Variants in UNC5D observed in about 807,000 individuals in gnomAD.
The protein encoded by UNC5D is netrin receptor UNC5D.
UNC5D carries 39 observed loss-of-function variants against 105.4 expected under a neutral mutation model. The ratio of observed to expected loss-of-function variants is 0.37; its 90% CI spans 0.29 to 0.48. The LOEUF (loss-of-function observed/expected upper bound fraction) is 0.48, where lower values mean the gene tolerates loss of function less well. UNC5D is among the 20% of genes least tolerant of loss of function. The probability of loss-of-function intolerance (pLI) is 0.98; values close to 1 mark genes in which losing one functional copy is unlikely to be tolerated. For synonymous variants in UNC5D, 452 were observed against 450.4 expected, an observed-to-expected ratio of 1.00 and a Z score of -0.04; for missense variants, 991 against 1,202.4, an observed-to-expected ratio of 0.82 and a Z score of 2.60.
intron 1 of UNC5D, among the ~76,000 whole-genome samples, chr8:35,354,146 G>A (rs1317368055): frequency 6.6e-6 from 1 of 152,068 alleles, no homozygotes; most frequent in Admixed American, 6.6e-5. Context: ...AAATTTATTG[G>A]AATCACAGCA....
intron 13 of UNC5D, 64 bp from the exon 14 acceptor site, chr8:35,759,256 T>C (rs1830650137): frequency 6.4e-7 from 1 of 1,566,354 alleles, no homozygotes; most frequent in Non-Finnish European, 8.7e-7. Context: ...TATCCCTAGA[T>C]AGGAAATATG....
intron 3 of UNC5D, among the ~76,000 whole-genome samples, chr8:35,590,212 C>T (rs527261181): frequency 2.6e-5 from 4 of 152,164 alleles, no homozygotes; most frequent in South Asian, 4.1e-4. Flanking sequence ...TGTTAACCCT[C>T]TGCCCTTGAT....
intron 1 of UNC5D, among the ~76,000 whole-genome samples, chr8:35,247,028 G>A (rs138789429): frequency 6.6e-6 from 1 of 151,982 alleles, no homozygotes; most frequent in Non-Finnish European, 1.5e-5. Context: ...GAAGTTGCTT[G>A]CTTGGCTTTT....
At chr8:35,485,162 A>G (rs1408241656) in intron 1 of UNC5D, among the ~76,000 whole-genome samples, 1 of 152,178 alleles carries the variant, frequency 6.6e-6, no homozygotes, top group African/African-American at 2.4e-5. Flanking sequence ...ACACAAAGAA[A>G]GCAGGACAGG....
chr8:35,563,312 G>A (rs1412263390), intron 2 of UNC5D, among the ~76,000 whole-genome samples: 1 of 113,882 alleles, frequency 8.8e-6, no homozygotes, highest in Non-Finnish European at 1.7e-5. Flanking sequence ...TCTTTGTGGA[G>A]ATCTTCTATG....
chr8:35,537,328 G>A (rs567884538), intron 1 of UNC5D, among the ~76,000 whole-genome samples: 4 of 152,184 alleles, frequency 2.6e-5, no homozygotes, highest in Admixed American at 2.6e-4. Context: ...TGAGGATGAG[G>A]AAAATTGCTA....
At chr8:35,737,644 G>A (rs1343329706) in intron 11 of UNC5D, among the ~76,000 whole-genome samples, 2 of 152,140 alleles carry the variant, frequency 1.3e-5, no homozygotes, top group African/African-American at 2.4e-5. Context: ...GATATTTGGT[G>A]TAATTATGCC....
chr8:35,753,300 G>A (rs772560016), intron 13 of UNC5D, among the ~76,000 whole-genome samples: 5 of 151,892 alleles, frequency 3.3e-5, no homozygotes, highest in East Asian at 1.9e-4. Flanking sequence ...ATGGAGTCTC[G>A]CTCTGTCCCC....
intron 1 of UNC5D, chr8:35,525,749 C>G (rs910573628): frequency 6.4e-7 from 1 of 1,560,998 alleles, no homozygotes; most frequent in South Asian, 1.2e-5. Context: ...AGTACTCGCC[C>G]GGAGGAGCCG....
chr8:35,297,512 G>T (rs901234088), intron 1 of UNC5D, among the ~76,000 whole-genome samples: 1 of 152,108 alleles, frequency 6.6e-6, no homozygotes, highest in African/African-American at 2.4e-5. Flanking sequence ...GTTCCCCTTT[G>T]TAGGTTGGCT....
At position 35,759,361 on chromosome 8, in the gene UNC5D, G is replaced by A. The variant is rs770367047; in HGVS notation, c.2205G>A (p.Leu735=). Residue 735 remains leucine (L), a synonymous_variant, in exon 14 of 17, where the codon CTG becomes CTA. Coordinates refer to ENST00000404895, the MANE Select transcript of UNC5D (RefSeq NM_080872.4). ...SDERHQGGQL[L]EEPKLLHFKG... The stretch of plus-strand genomic sequence containing the variant: ...AAAGGCATCAAGGTGGACAGCTCCT[G>A]GAAGAACCAAAATTGCTGCATTTCA... 10 of 1,613,908 alleles carry A rather than the reference G, an allele frequency of 6.2e-6. No individual in the cohort carries two copies. The Admixed American group carries it at 1.5e-4, about 24-fold the overall frequency.
chr8:35,492,807 G>A (rs1018039297), intron 1 of UNC5D, among the ~76,000 whole-genome samples: 9 of 152,064 alleles, frequency 5.9e-5, no homozygotes, highest in African/African-American at 2.2e-4. Context: ...TAGAAAACTG[G>A]CCACAATGGG....
intron 1 of UNC5D, among the ~76,000 whole-genome samples, chr8:35,370,902 A>C (rs1473698318): frequency 6.6e-6 from 1 of 152,220 alleles, no homozygotes; most frequent in Admixed American, 6.5e-5. Flanking sequence ...AAGACATTTC[A>C]TACAAATTTA....
At chr8:35,471,494 A>G (rs2129831884) in intron 1 of UNC5D, among the ~76,000 whole-genome samples, 1 of 152,306 alleles carries the variant, frequency 6.6e-6, no homozygotes, top group East Asian at 1.9e-4. Flanking sequence ...ATTGGAGAAA[A>G]TAAATGAAAG....
At chr8:35,436,929 A>G (rs16883925) in intron 1 of UNC5D, among the ~76,000 whole-genome samples, 3,661 of 152,186 alleles carry the variant, frequency 0.024, 148 homozygotes, top group African/African-American at 0.085. Context: ...AAACTTTTAA[A>G]TATGTTTAAT....
At chr8:35,564,509 T>C (rs1486616712) in intron 2 of UNC5D, among the ~76,000 whole-genome samples, 2 of 152,184 alleles carry the variant, frequency 1.3e-5, no homozygotes, top group African/African-American at 2.4e-5. Flanking sequence ...AAGCAAGCCC[T>C]GTTCTCCAGA....
intron 1 of UNC5D, among the ~76,000 whole-genome samples, chr8:35,401,216 G>A (rs1308122518): frequency 1.3e-5 from 2 of 152,266 alleles, no homozygotes; most frequent in East Asian, 3.9e-4. Context: ...AGGTGCAGTG[G>A]TTCACACCTG....
In UNC5D at chr8:35,793,803, T is replaced by C. The variant is rs1277652699; in HGVS notation, c.*3240T>C. On this transcript the variant is annotated 3_prime_UTR_variant, in exon 17 of 17. Transcript: ENST00000404895. ...CAGATGTACTCCCACAAAAATTTTA[T>C]TGGCCTTTTTGTAAGAGATGAAAAA... The C allele has an allele frequency of 6.6e-6, 1 of 152,608 alleles. No individual in the cohort carries two copies. Among genetic ancestry groups the C allele is most frequent in the African/African-American group, 2.4e-5 (1 of 41,458 alleles). 9.5% of individuals were successfully genotyped at this position (152,608 alleles called of 1,614,324 possible).
chr8:35,372,917 A>G (rs567657972), intron 1 of UNC5D, among the ~76,000 whole-genome samples: 1 of 152,144 alleles, frequency 6.6e-6, no homozygotes, highest in South Asian at 2.1e-4. Flanking sequence ...ATTTTTATAC[A>G]CTCAATCCAT....
Sources: gnomAD v4.1 joint callset for allele counts (sites outside exome capture counted in the v4.1 genomes callset) on GRCh38, gnomAD v4.1.1 for gene constraint, MANE v1.5 for transcripts, NCBI Gene and HGNC (gene_info 2026-07-23, HGNC 2026-07-21) for gene names.